XPR1: variants seen among roughly 807,000 people sequenced by gnomAD.
XPR1 encodes xenotropic and polytropic retrovirus receptor 1, also known as solute carrier family 53 member 1.
XPR1 carries 28 observed loss-of-function variants against 87.5 expected under a neutral mutation model. That is an observed-to-expected ratio of 0.32 (90% confidence interval 0.24 to 0.44). XPR1 has a LOEUF of 0.44. Among genes scored for constraint, XPR1 ranks in the 20% least tolerant of loss-of-function variants. The pLI, the probability that XPR1 is intolerant of heterozygous loss-of-function variation, is 1.00. For synonymous variants in XPR1, 300 were observed against 306.1 expected, an observed-to-expected ratio of 0.98 and a Z score of 0.21; for missense variants, 559 against 862.3, an observed-to-expected ratio of 0.65 and a Z score of 4.41.
intron 7 of XPR1, among the ~76,000 whole-genome samples, chr1:180,815,984 A>G (rs1168347362): frequency 3.3e-5 from 5 of 152,224 alleles, no homozygotes; most frequent in African/African-American, 1.2e-4. Flanking sequence ...TTTTGTTTAT[A>G]GTAGAAAAAT....
intron 2 of XPR1, among the ~76,000 whole-genome samples, chr1:180,761,009 A>G (rs1349782047): frequency 1.3e-5 from 2 of 152,200 alleles, no homozygotes; most frequent in Admixed American, 1.3e-4. Context: ...AAAACAAGCA[A>G]TGGGGAAAGG....
intron 2 of XPR1, among the ~76,000 whole-genome samples, chr1:180,696,510 TAAGAATGGTGAAAGTGGGC>T (rs1165140059): frequency 4.9e-4 from 74 of 151,908 alleles, no homozygotes; most frequent in Middle Eastern, 3.4e-3. Context: ...CTATGTTGAA[TAAGAATGGTGAAAGTGGGC>T]AAGAATGGTG....
chr1:180,764,193 A>G (rs1648177498), intron 2 of XPR1, among the ~76,000 whole-genome samples: 1 of 152,180 alleles, frequency 6.6e-6, no homozygotes, highest in South Asian at 2.1e-4. Context: ...CTGATTGTTC[A>G]GTGTACACAA....
At chr1:180,645,718 T>C (rs922165416) in intron 1 of XPR1, among the ~76,000 whole-genome samples, 4 of 152,218 alleles carry the variant, frequency 2.6e-5, no homozygotes, top group African/African-American at 9.6e-5. Context: ...GTTAAGGGCA[T>C]GTACTTTAAT....
At chr1:180,863,678 C>T in intron 11 of XPR1, 30 bp from the exon 12 acceptor site, 1 of 1,509,566 alleles carries the variant, frequency 6.6e-7, no homozygotes, top group Non-Finnish European at 8.8e-7. Context: ...TAGTAATTTT[C>T]TCTTTTCTCT....
intron 14 of XPR1, among the ~76,000 whole-genome samples, chr1:180,881,707 G>C (rs1051853477): frequency 5.3e-5 from 8 of 152,170 alleles, no homozygotes; most frequent in Non-Finnish European, 1.0e-4. Flanking sequence ...GGTAGTATCA[G>C]TAACTCATTG....
chr1:180,839,013 T>C (rs1016164190), intron 11 of XPR1, among the ~76,000 whole-genome samples: 1 of 152,194 alleles, frequency 6.6e-6, no homozygotes, highest in Non-Finnish European at 1.5e-5. Context: ...ATGAGATAAA[T>C]TTATGTTATT....
At chr1:180,873,082 A>T (rs3789367) in intron 12 of XPR1, among the ~76,000 whole-genome samples, 57,928 of 151,632 alleles carry the variant, frequency 0.38, 11,252 homozygotes, top group African/African-American at 0.42. Context: ...TTTCACATTC[A>T]TTAAATACAT....
At chr1:180,791,114 A>G (rs1649362660) in intron 3 of XPR1, among the ~76,000 whole-genome samples, 1 of 152,202 alleles carries the variant, frequency 6.6e-6, no homozygotes, top group Admixed American at 6.5e-5. Context: ...AATATATAAA[A>G]TCAAGTTTAT....
At chr1:180,874,128 C>T in intron 13 of XPR1, 186 bp downstream of exon 13, 2 of 655,468 alleles carry the variant, frequency 3.1e-6, no homozygotes, top group Non-Finnish European at 4.9e-6. Flanking sequence ...CTCTTGACCT[C>T]AGTTGATCCA....
At chr1:180,795,581 T>G (rs1649539790) in intron 3 of XPR1, among the ~76,000 whole-genome samples, 1 of 152,192 alleles carries the variant, frequency 6.6e-6, no homozygotes. Flanking sequence ...ACATAAATAC[T>G]TAAGTTGTTT....
intron 1 of XPR1, among the ~76,000 whole-genome samples, chr1:180,657,413 C>G (rs1217926086): frequency 6.6e-6 from 1 of 152,008 alleles, no homozygotes; most frequent in African/African-American, 2.4e-5. Context: ...TTAGTAGTTT[C>G]ATAGGTTGAG....
chr1:180,671,979 G>T (rs1190735545), intron 1 of XPR1, among the ~76,000 whole-genome samples: 2 of 152,130 alleles, frequency 1.3e-5, no homozygotes, highest in Non-Finnish European at 2.9e-5. Flanking sequence ...GACATTAACA[G>T]AAATAAAGCC....
intron 2 of XPR1, among the ~76,000 whole-genome samples, chr1:180,690,025 G>A (rs968687619): frequency 4.6e-5 from 7 of 151,968 alleles, no homozygotes; most frequent in East Asian, 3.9e-4. Flanking sequence ...GTGTGGTGGC[G>A]CATGCCTGTA....
rs1293757953 is a variant in XPR1 at position 180,854,438 on chromosome 1, C to T, written c.1502-9270C>T. On this transcript the variant is annotated intron_variant, in intron 11 of 14. Coordinates refer to ENST00000367590, the MANE Select transcript of XPR1 (RefSeq NM_004736.4). The stretch of plus-strand genomic sequence containing the variant: ...TGTTACATATGTCCCATGTTCACTT[C>T]GGAGTAGGCAGTTAACATTAAAGTG... 3.3e-5 allele frequency among the ~76,000 whole-genome samples: 5 copies of T among 152,288 alleles called. No individual in the cohort carries two copies. In the East Asian group the frequency reaches 5.8e-4, roughly 18 times the overall value.
chr1:180,762,887 A>G (rs1431285870), intron 2 of XPR1, among the ~76,000 whole-genome samples: 1 of 135,008 alleles, frequency 7.4e-6, no homozygotes, highest in Admixed American at 7.5e-5. Flanking sequence ...TTGCATCTTT[A>G]CACTTTTTTT....
At chr1:180,784,611 A>G (rs1203239687) in intron 2 of XPR1, among the ~76,000 whole-genome samples, 1 of 151,954 alleles carries the variant, frequency 6.6e-6, no homozygotes, top group African/African-American at 2.4e-5. Context: ...TAATATTAAG[A>G]AGGCCTTCCC....
At chr1:180,709,892 T>G (rs984943393) in intron 2 of XPR1, among the ~76,000 whole-genome samples, 3 of 151,010 alleles carry the variant, frequency 2.0e-5, no homozygotes, top group Admixed American at 1.3e-4. Context: ...TTGAGGGTTT[T>G]TTTTTTTTTT....
At chr1:180,721,316 A>G (rs1571765155) in intron 2 of XPR1, among the ~76,000 whole-genome samples, 1 of 152,034 alleles carries the variant, frequency 6.6e-6, no homozygotes, top group African/African-American at 2.4e-5. Flanking sequence ...TAAATTTATC[A>G]TATCATTTTT....
Sources: gnomAD v4.1 joint callset for allele counts (sites outside exome capture counted in the v4.1 genomes callset) on GRCh38, gnomAD v4.1.1 for gene constraint, MANE v1.5 for transcripts, NCBI Gene and HGNC (gene_info 2026-07-23, HGNC 2026-07-21) for gene names.